The following NRXN3 variants were observed in gnomAD, a reference collection of about 807,000 sequenced individuals.
NRXN3 encodes the protein neurexin III.
In NRXN3, 32 loss-of-function variants were observed where a neutral mutation model predicts 137.6. The observed-to-expected ratio is 0.23, with a 90% CI of 0.18 to 0.31. The LOEUF (loss-of-function observed/expected upper bound fraction) is 0.31, where lower values mean the gene tolerates loss of function less well. Among genes scored for constraint, NRXN3 ranks in the 10% least tolerant of loss-of-function variants. The probability of loss-of-function intolerance (pLI) is 1.00; values close to 1 mark genes in which losing one functional copy is unlikely to be tolerated. For synonymous variants in NRXN3, 798 were observed against 784.5 expected, an observed-to-expected ratio of 1.02 and a Z score of -0.29; for missense variants, 1,574 against 2,062.5, an observed-to-expected ratio of 0.76 and a Z score of 4.59.
intron 4 of NRXN3, among the ~76,000 whole-genome samples, chr14:78,361,437 T>C (rs2085097864): frequency 6.6e-6 from 1 of 152,172 alleles, no homozygotes; most frequent in Non-Finnish European, 1.5e-5. Context: ...CCAAATATAT[T>C]GAAAGAGAAT....
intron 16 of NRXN3, among the ~76,000 whole-genome samples, chr14:79,626,679 A>G (rs1355910374): frequency 6.6e-6 from 1 of 152,116 alleles, no homozygotes. Context: ...TCCTTTATTC[A>G]GTTTCATCTC....
chr14:78,307,909 G>A (rs937147076), intron 4 of NRXN3, among the ~76,000 whole-genome samples: 4 of 152,028 alleles, frequency 2.6e-5, no homozygotes, highest in African/African-American at 7.2e-5. Context: ...ACTCTTTTGG[G>A]CAAGTTAATT....
intron 4 of NRXN3, among the ~76,000 whole-genome samples, chr14:78,541,850 T>C (rs1205296634): frequency 2.6e-5 from 4 of 152,254 alleles, no homozygotes; most frequent in African/African-American, 9.6e-5. Context: ...TTCTGTTTGT[T>C]AGTTTTCCTT....
chr14:79,714,806 C>A (rs140430386), intron 19 of NRXN3, among the ~76,000 whole-genome samples: 1 of 152,110 alleles, frequency 6.6e-6, no homozygotes, highest in Non-Finnish European at 1.5e-5. Flanking sequence ...AGTTTGCCTC[C>A]GTCCTCTGTT....
chr14:78,227,609 C>T (rs1048966933), intron 1 of NRXN3, among the ~76,000 whole-genome samples: 1 of 152,208 alleles, frequency 6.6e-6, no homozygotes, highest in Non-Finnish European at 1.5e-5. Context: ...CAGAGCACCT[C>T]CCACCTCTTT....
intron 18 of NRXN3, among the ~76,000 whole-genome samples, chr14:79,693,607 A>G (rs1047603881): frequency 5.9e-5 from 9 of 151,802 alleles, no homozygotes; most frequent in African/African-American, 2.2e-4. Context: ...AATAATTTTT[A>G]TTTTACTCCA....
chr14:78,622,810 T>C (rs1349160382), intron 4 of NRXN3, among the ~76,000 whole-genome samples: 1 of 152,256 alleles, frequency 6.6e-6, no homozygotes, highest in Non-Finnish European at 1.5e-5. Flanking sequence ...CGTGCTTTCA[T>C]TTGGTAAACT....
At chr14:79,446,479 CT>C (rs1236972496) in intron 15 of NRXN3, among the ~76,000 whole-genome samples, 2 of 152,114 alleles carry the variant, frequency 1.3e-5, no homozygotes, top group Non-Finnish European at 2.9e-5. Context: ...TGTATTCATT[CT>C]TTTCATTATT....
chr14:78,672,207 C>T (rs1305985581), intron 6 of NRXN3, among the ~76,000 whole-genome samples: 1 of 152,210 alleles, frequency 6.6e-6, no homozygotes, highest in Non-Finnish European at 1.5e-5. Flanking sequence ...ATATTGTGAG[C>T]ATCTCCATCT....
At chr14:79,637,069 A>G (rs2098407698) in intron 16 of NRXN3, among the ~76,000 whole-genome samples, 1 of 152,196 alleles carries the variant, frequency 6.6e-6, no homozygotes, top group Non-Finnish European at 1.5e-5. Flanking sequence ...AAGGATTGAG[A>G]GTGGAGCCAG....
At chr14:78,812,720 T>C (rs1005738569) in intron 10 of NRXN3, among the ~76,000 whole-genome samples, 6 of 152,346 alleles carry the variant, frequency 3.9e-5, no homozygotes, top group Non-Finnish European at 8.8e-5. Flanking sequence ...AGCAAAGTTA[T>C]ATTCCCAGCT....
At chr14:78,917,754 G>A (rs1009164812) in intron 10 of NRXN3, among the ~76,000 whole-genome samples, 12 of 152,032 alleles carry the variant, frequency 7.9e-5, no homozygotes, top group Non-Finnish European at 1.6e-4. Flanking sequence ...GAACATGGAG[G>A]TATATGAGGA....
In NRXN3 at chr14:78,406,487, G is replaced by A. The variant is rs566306219; in HGVS notation, c.757+108627G>A. Among the ~76,000 whole-genome samples, 12 of 152,276 alleles carry A rather than the reference G, an allele frequency of 7.9e-5. No homozygotes were observed. In the South Asian group the frequency reaches 2.5e-3, roughly 32 times the overall value. Reference sequence around the variant, plus strand: ...CTGTACCCTCTACTAAACAGCATAGGTAAGACTAATAGAGAATAAATTTTG... The same window carrying A: ...CTGTACCCTCTACTAAACAGCATAGATAAGACTAATAGAGAATAAATTTTG... On this transcript the variant is annotated intron_variant, in intron 4 of 20. Transcript: ENST00000335750.
chr14:78,861,522 TA>T (rs1478322204), intron 10 of NRXN3, among the ~76,000 whole-genome samples: 3 of 152,222 alleles, frequency 2.0e-5, no homozygotes, highest in Admixed American at 6.5e-5. Flanking sequence ...AGCATCAAAG[TA>T]ATACCAACTC....
chr14:79,263,568 C>T (rs1379441762), intron 15 of NRXN3, among the ~76,000 whole-genome samples: 1 of 151,980 alleles, frequency 6.6e-6, no homozygotes, highest in Non-Finnish European at 1.5e-5. Flanking sequence ...GAGCACTATG[C>T]CTTTCTAGGA....
At chr14:78,393,393 G>A (rs2091021421) in intron 4 of NRXN3, among the ~76,000 whole-genome samples, 1 of 151,916 alleles carries the variant, frequency 6.6e-6, no homozygotes, top group Non-Finnish European at 1.5e-5. Flanking sequence ...ATCACCACAA[G>A]GATCCCTCCT....
intron 15 of NRXN3, among the ~76,000 whole-genome samples, chr14:79,411,805 T>C (rs2095421173): frequency 6.6e-6 from 1 of 152,172 alleles, no homozygotes; most frequent in Non-Finnish European, 1.5e-5. Context: ...GACCGTATAG[T>C]GGATGCTAGA....
chr14:79,057,602 C>T (rs1034463773), intron 15 of NRXN3, among the ~76,000 whole-genome samples: 5 of 152,106 alleles, frequency 3.3e-5, no homozygotes, highest in African/African-American at 1.2e-4. Context: ...ATCACCAAAA[C>T]CAAGAGTGGA....
chr14:78,262,394 C>A (rs2070892987), intron 2 of NRXN3, among the ~76,000 whole-genome samples: 2 of 152,060 alleles, frequency 1.3e-5, no homozygotes, highest in Admixed American at 1.3e-4. Context: ...AATGCAGAAT[C>A]TTGGAGGTAA....
Sources: gnomAD v4.1 joint callset for allele counts (sites outside exome capture counted in the v4.1 genomes callset) on GRCh38, gnomAD v4.1.1 for gene constraint, MANE v1.5 for transcripts, NCBI Gene and HGNC (gene_info 2026-07-23, HGNC 2026-07-21) for gene names.